The following NHS variants were observed in gnomAD, a reference collection of about 807,000 sequenced individuals.
NHS encodes actin remodeling regulator NHS.
In NHS, 5 loss-of-function variants were observed where a neutral mutation model predicts 72.5. That is an observed-to-expected ratio of 0.07 (90% CI 0.04 to 0.14). The LOEUF (loss-of-function observed/expected upper bound fraction) is 0.14, where lower values mean the gene tolerates loss of function less well. Among genes scored for constraint, NHS ranks in the 10% least tolerant of loss-of-function variants. The pLI is 1.00. For missense variants in NHS, 1,072 were observed against 1,355.7 expected, an observed-to-expected ratio of 0.79 and a Z score of 3.29; for synonymous variants, 464 against 547.7, an observed-to-expected ratio of 0.85 and a Z score of 2.13.
At chrX:17,394,441 A>C (rs1403420899) in intron 1 of NHS, among the ~76,000 whole-genome samples, 1 of 112,418 alleles carries the variant, frequency 8.9e-6, no homozygotes, top group East Asian at 2.8e-4. Flanking sequence ...TTTTCTTCAA[A>C]TATAGAGGTG....
rs570484618 is a variant in NHS at position 17,734,255 on chromosome X, C to T, written c.*1791C>T. ...AGAGGGTTTGCATTTTGGATTAATTCATGCAAAATGAAGGAGGAAGCCTGG... is the reference window on the plus strand; with the variant it reads ...AGAGGGTTTGCATTTTGGATTAATTTATGCAAAATGAAGGAGGAAGCCTGG... On this transcript the variant is annotated 3_prime_UTR_variant, in exon 9 of 9. Coordinates refer to ENST00000676302, the MANE Select transcript of NHS (RefSeq NM_001291867.2). 6 of 112,108 alleles carry T rather than the reference C, an allele frequency of 5.4e-5. No individual in the cohort carries two copies. Among genetic ancestry groups the T allele is most frequent in the Admixed American group, 4.7e-4 (5 of 10,552 alleles). 9.2% of individuals were successfully genotyped at this position (112,108 alleles called of 1,213,427 possible).
intron 1 of NHS, among the ~76,000 whole-genome samples, chrX:17,400,907 G>A (rs1198542672): frequency 9.0e-6 from 1 of 111,480 alleles, no homozygotes; most frequent in Non-Finnish European, 1.9e-5. Context: ...ATGTGGAAAG[G>A]GAAGGAACCC....
intron 3 of NHS, among the ~76,000 whole-genome samples, chrX:17,697,086 G>A (rs182129388): frequency 9.0e-6 from 1 of 111,083 alleles, no homozygotes; most frequent in East Asian, 2.8e-4. Context: ...GGGCCTAAAA[G>A]TATGCATATT....
At chrX:17,584,012 G>A (rs1372642072) in intron 1 of NHS, among the ~76,000 whole-genome samples, 1 of 111,736 alleles carries the variant, frequency 8.9e-6, no homozygotes, top group East Asian at 2.8e-4. Context: ...AGGGTTGGGA[G>A]TTGGCATAGA....
rs1225672426 is a variant in NHS, at chrX:17,585,872, T to C, written c.566-101870T>C. ...GAAGTGAAAAAAAGAACTGTTTATT[T>C]TGCCAATTTCATTATAAAAAAATAA... On this transcript the variant is annotated intron_variant, in intron 1 of 8. Transcript: ENST00000676302. 3 of 110,133 alleles carry C rather than the reference T, an allele frequency of 2.7e-5. No homozygotes were observed. The Admixed American group carries it at 2.9e-4, about 11-fold the overall frequency. 9.1% of individuals were successfully genotyped at this position (110,133 alleles called of 1,213,427 possible).
chrX:17,637,097 C>G (rs1381813908), intron 1 of NHS, among the ~76,000 whole-genome samples: 2 of 111,445 alleles, frequency 1.8e-5, no homozygotes, highest in Non-Finnish European at 3.8e-5. Context: ...GCACTTCCAC[C>G]CAAACCCCCA....
intron 1 of NHS, among the ~76,000 whole-genome samples, chrX:17,484,229 A>G (rs1254417371): frequency 8.9e-6 from 1 of 111,848 alleles, no homozygotes; most frequent in Non-Finnish European, 1.9e-5. Context: ...CCCAGTCCTC[A>G]CTCCTCCAAA....
intron 1 of NHS, among the ~76,000 whole-genome samples, chrX:17,440,354 A>G (rs1330651263): frequency 9.1e-6 from 1 of 110,450 alleles, no homozygotes; most frequent in Non-Finnish European, 1.9e-5. Context: ...AACAAATGTG[A>G]AAGTTCCAGG....
In NHS at chrX:17,725,916, G is replaced by C. The variant is rs1010654273; in HGVS notation, c.1810G>C (p.Gly604Arg). The change falls in exon 7 of 9, where the codon GGG (glycine) becomes CGG (arginine). Residue 604 changes from glycine (G) to arginine (R), a missense_variant. Physicochemically the swap from Gly to Arg is moderately radical, Grantham distance 125. Coordinates refer to ENST00000676302, the MANE Select transcript of NHS (RefSeq NM_001291867.2). ...CATCTCCTCCAACTCAGACACGTTT[G>C]GGAGCCCCATCCACTGCATCTCCAC... ...CDISSNSDTF[G>R]SPIHCISTAG... 1.7e-6 allele frequency: 2 copies of C among 1,209,514 alleles called. No homozygotes were observed. The highest frequency in any genetic ancestry group is 3.5e-5 in the African/African-American group (2 of 56,952).
At chrX:17,590,391 T>C (rs964708217) in intron 1 of NHS, among the ~76,000 whole-genome samples, 1 of 112,064 alleles carries the variant, frequency 8.9e-6, no homozygotes, top group Non-Finnish European at 1.9e-5. Context: ...CAACAGACAA[T>C]TTATTAAATG....
chrX:17,672,840 G>A (rs1373187573), intron 1 of NHS, among the ~76,000 whole-genome samples: 9 of 111,964 alleles, frequency 8.0e-5, no homozygotes, highest in Non-Finnish European at 1.1e-4. Flanking sequence ...GGACAATGGC[G>A]CATGTCATGT....
intron 1 of NHS, among the ~76,000 whole-genome samples, chrX:17,591,492 C>T (rs971642558): frequency 1.8e-5 from 2 of 111,818 alleles, no homozygotes; most frequent in East Asian, 2.8e-4. Flanking sequence ...CTATTATTTC[C>T]ATGGTATTTG....
intron 1 of NHS, among the ~76,000 whole-genome samples, chrX:17,395,527 T>C (rs2064470253): frequency 8.9e-6 from 1 of 112,535 alleles, no homozygotes; most frequent in African/African-American, 3.2e-5. Flanking sequence ...TCTAGCTCAG[T>C]GGTCACCCTT....
chrX:17,479,376 G>A (rs1489996156), intron 1 of NHS, among the ~76,000 whole-genome samples: 2 of 112,389 alleles, frequency 1.8e-5, no homozygotes, highest in Non-Finnish European at 3.8e-5. Flanking sequence ...GTGTGCATGT[G>A]TCTTTATAGT....
At chrX:17,474,452 C>G (rs1017205032) in intron 1 of NHS, among the ~76,000 whole-genome samples, 3 of 111,752 alleles carry the variant, frequency 2.7e-5, no homozygotes, top group African/African-American at 9.8e-5. Context: ...CTAGGACAGA[C>G]TCTGAGATGG....
rs765557939 is a variant in NHS, at chrX:17,728,686, T to C, written c.4260T>C (p.Leu1420=). The C allele has an allele frequency of 6.6e-6, 8 of 1,209,679 alleles. No homozygotes were observed. The East Asian group carries it at 2.4e-4, about 36-fold the overall frequency. Residue 1420 remains leucine (L), a synonymous_variant, in exon 8 of 9, where the codon CTT becomes CTC. Coordinates refer to ENST00000676302, the MANE Select transcript of NHS (RefSeq NM_001291867.2). ...GTGATGACTCCATCATTTCACCACT[T>C]AGTGAAGACTCCCAAGCTGAAGCAG... ...SPSDDSIISP[L]SEDSQAEAEG... is the part of the protein sequence containing the mutation.
At chrX:17,473,947 C>T (rs1247066666) in intron 1 of NHS, among the ~76,000 whole-genome samples, 8 of 110,088 alleles carry the variant, frequency 7.3e-5, no homozygotes, top group African/African-American at 2.6e-4. Context: ...ATTTTAGGTT[C>T]GGGGGTACAC....
Position 17,727,867 on chromosome X carries a change from A to T in NHS, c.3761A>T (p.Glu1254Val). The change falls in exon 7 of 9, where the codon GAG becomes GTG. Residue 1254 changes from glutamate to valine, a missense_variant. Glu to Val is a moderately radical substitution (Grantham distance 121). Transcript: ENST00000676302. Reference sequence around the variant, plus strand: ...GTCACAAAAGACCAAGTGCGTACAGAGACTGAGCCTATTCCAGAAAACACG... The same window carrying T: ...GTCACAAAAGACCAAGTGCGTACAGTGACTGAGCCTATTCCAGAAAACACG... ...SNVTKDQVRT[E>V]TEPIPENTPT... 1 of 1,212,084 alleles carries T rather than the reference A, an allele frequency of 8.3e-7. No homozygotes were observed. Among genetic ancestry groups the T allele is most frequent in the South Asian group, 1.8e-5 (1 of 57,005 alleles).
At chrX:17,430,287 CTTT>C (rs1476380490) in intron 1 of NHS, among the ~76,000 whole-genome samples, 5 of 71,543 alleles carry the variant, frequency 7.0e-5, no homozygotes, top group African/African-American at 3.0e-4. Context: ...TTCTTTCTTT[CTTT>C]CTTTCTTTCT....
Sources: allele counts gnomAD v4.1 joint callset (sites outside exome capture counted in the v4.1 genomes callset), GRCh38; gene constraint gnomAD v4.1.1; transcripts MANE v1.5; gene names NCBI Gene and HGNC (gene_info 2026-07-23, HGNC 2026-07-21).